The following CMTR1 variants were observed in gnomAD, a reference collection of about 807,000 sequenced individuals.
The protein encoded by CMTR1 is cap-specific mRNA (nucleoside-2'-O-)-methyltransferase 1.
CMTR1 carries 39 observed loss-of-function variants against 107.0 expected under a neutral mutation model. That is an observed-to-expected ratio of 0.36 (90% confidence interval 0.28 to 0.48). The LOEUF (loss-of-function observed/expected upper bound fraction) is 0.48, where lower values mean the gene tolerates loss of function less well. Ranked by LOEUF, CMTR1 falls within the 20% of genes least tolerant of loss-of-function variation. The probability of loss-of-function intolerance (pLI) is 0.99; values close to 1 mark genes in which losing one functional copy is unlikely to be tolerated. For synonymous variants in CMTR1, 366 were observed against 379.5 expected, an observed-to-expected ratio of 0.96 and a Z score of 0.41; for missense variants, 672 against 1,064.9, an observed-to-expected ratio of 0.63 and a Z score of 5.14.
chr6:37,448,363 A>G (rs1024375905), intron 4 of CMTR1, among the ~76,000 whole-genome samples: 13 of 152,216 alleles, frequency 8.5e-5, no homozygotes, highest in African/African-American at 3.1e-4. Context: ...TGGAGGACAG[A>G]GTATGACCCT....
At chr6:37,443,077 T>G (rs1041531604) in intron 2 of CMTR1, among the ~76,000 whole-genome samples, 1 of 152,264 alleles carries the variant, frequency 6.6e-6, no homozygotes, top group Non-Finnish European at 1.5e-5. Flanking sequence ...CAAGTTTCAC[T>G]TTTGCTTTCA....
At chr6:37,430,887 G>A (rs180927687), upstream of CMTR1, among the ~76,000 whole-genome samples, 82 of 151,914 alleles carry the variant, frequency 5.4e-4, no homozygotes, top group East Asian at 9.1e-3. Flanking sequence ...GGTGGCGGGC[G>A]CCTGTAGTCC....
At position 37,458,534 on chromosome 6, in the gene CMTR1, C is replaced by T. The variant is rs1426007961; in HGVS notation, c.778-78C>T. 3 of 1,406,744 alleles carry T rather than the reference C, an allele frequency of 2.1e-6. No individual in the cohort carries two copies. Among genetic ancestry groups the T allele is most frequent in the African/African-American group, 1.4e-5 (1 of 70,204 alleles). 87.1% of individuals were successfully genotyped at this position (1,406,744 alleles called of 1,614,324 possible). ...TACTTGCCGAAAGGCTTATTTTACT[C>T]TCCCTGCATTCTCCTTCCTGTTGCC... On this transcript the variant is annotated intron_variant, in intron 8 of 23. Transcript: ENST00000373451. This position sits in a 1 kb window ranked among gnomAD's most constrained non-coding sequence, Gnocchi z 4.7.
chr6:37,472,392 T>G lies in CMTR1; in HGVS notation c.1621-27T>G. On this transcript the variant is annotated intron_variant, in intron 15 of 23. Transcript: ENST00000373451. This position sits in a 1 kb window ranked among gnomAD's most constrained non-coding sequence, Gnocchi z 4.1. ...TCTTGGTCAAAAGGGCATTTGAAAGTCAAAGCTCTTTGCTGTCTTATTTCA... is the reference window on the plus strand; with the variant it reads ...TCTTGGTCAAAAGGGCATTTGAAAGGCAAAGCTCTTTGCTGTCTTATTTCA... 1 of 1,612,306 alleles carries G rather than the reference T, an allele frequency of 6.2e-7. No individual in the cohort carries two copies. Among genetic ancestry groups the G allele is most frequent in the Non-Finnish European group, 8.5e-7 (1 of 1,178,324 alleles).
At chr6:37,451,068 A>T (rs1562120005) in intron 5 of CMTR1, among the ~76,000 whole-genome samples, 3 of 152,088 alleles carry the variant, frequency 2.0e-5, no homozygotes, top group Admixed American at 6.5e-5. Flanking sequence ...TTTTTTGGAA[A>T]TGTTATTTTT....
the CMTR1 span, among the ~76,000 whole-genome samples, chr6:37,427,869 G>A: frequency 6.6e-6 from 1 of 152,094 alleles, no homozygotes; most frequent in African/African-American, 2.4e-5. This position sits in a 1 kb window ranked among gnomAD's most constrained non-coding sequence, Gnocchi z 4.4. Context: ...CACGTTGACT[G>A]TTCTTTTCTT....
the CMTR1 span, among the ~76,000 whole-genome samples, chr6:37,424,377 G>T: frequency 1.2e-4 from 18 of 151,850 alleles, no homozygotes; most frequent in Middle Eastern, 3.4e-3. Context: ...CGAGTAGGTG[G>T]GACTACAGGC....
chr6:37,433,825 G>T (rs1223145590), intron 1 of CMTR1, among the ~76,000 whole-genome samples: 1 of 152,210 alleles, frequency 6.6e-6, no homozygotes, highest in African/African-American at 2.4e-5. Context: ...CAGGGCACTG[G>T]TTAGCTGTGT....
chr6:37,424,613 A>G, the CMTR1 span, among the ~76,000 whole-genome samples: 2 of 152,188 alleles, frequency 1.3e-5, no homozygotes, highest in African/African-American at 4.8e-5. Context: ...TAAATTATAC[A>G]GAAAACAAAA....
chr6:37,456,581 C>T (rs946155151), intron 8 of CMTR1, among the ~76,000 whole-genome samples: 3 of 152,172 alleles, frequency 2.0e-5, no homozygotes, highest in African/African-American at 7.2e-5. Flanking sequence ...GGGACTGTTT[C>T]CCCTAAAGCT....
chr6:37,473,335 G>A, intron 16 of CMTR1, 135 bp from the exon 17 acceptor site: 5 of 874,318 alleles, frequency 5.7e-6, no homozygotes, highest in Non-Finnish European at 7.1e-6. Flanking sequence ...GTAGAGAAGG[G>A]GGTGCAGGGG....
At chr6:37,477,491 C>T in intron 20 of CMTR1, 101 bp from the exon 21 acceptor site, 3 of 1,073,240 alleles carry the variant, frequency 2.8e-6, no homozygotes, top group South Asian at 1.3e-5. Flanking sequence ...GGGCCTGGGG[C>T]AGAAGCCAAG....
At chr6:37,478,278 G>A in intron 21 of CMTR1, 131 bp from the exon 22 acceptor site, 1 of 712,800 alleles carries the variant, frequency 1.4e-6, no homozygotes, top group East Asian at 2.6e-5. Context: ...CCACTCGGCT[G>A]TGTGCCTCAG....
intron 2 of CMTR1, among the ~76,000 whole-genome samples, chr6:37,437,048 G>A (rs914224834): frequency 6.6e-5 from 10 of 152,114 alleles, no homozygotes; most frequent in African/African-American, 1.7e-4. Flanking sequence ...ATGGAGCATC[G>A]GTGTCGCTGT....
Position 37,451,754 on chromosome 6 carries a change from C to T in CMTR1, c.538-52C>T, listed in dbSNP as rs190423337. On this transcript the variant is annotated intron_variant, in intron 5 of 23. Coordinates refer to ENST00000373451, the MANE Select transcript of CMTR1 (RefSeq NM_015050.3). ...GAACCCTAATTTCTTCATTCATCCCCGACAATTGCAGTCACACGTGGTCAT... is the reference window on the plus strand; with the variant it reads ...GAACCCTAATTTCTTCATTCATCCCTGACAATTGCAGTCACACGTGGTCAT... 565 of 1,375,358 alleles carry T rather than the reference C, an allele frequency of 4.1e-4. 1 individual carries two copies. The African/African-American group carries it at 6.9e-3, about 17-fold the overall frequency. The allele number at this position is 1,375,358 out of a possible 1,614,324, so 85.2% of individuals were successfully genotyped here. A position where few individuals can be genotyped will look rare whatever the true frequency, so the allele number is the denominator to read the frequency against.
Position 37,480,547 on chromosome 6 carries a change from C to T in CMTR1, c.*402C>T. 9.5e-7 allele frequency: 1 copy of T among 1,048,988 alleles called. No homozygotes were observed. The highest frequency in any genetic ancestry group is 1.1e-6 in the Non-Finnish European group (1 of 871,834). 65.0% of individuals were successfully genotyped at this position (1,048,988 alleles called of 1,614,324 possible). ...ATGCACTGCCCTGAGGGTAGCCATGCCCTTGCTTTGCCCAACTTTTTATTG... is the reference window on the plus strand; with the variant it reads ...ATGCACTGCCCTGAGGGTAGCCATGTCCTTGCTTTGCCCAACTTTTTATTG... On this transcript the variant is annotated 3_prime_UTR_variant, in exon 24 of 24. Coordinates refer to ENST00000373451, the MANE Select transcript of CMTR1 (RefSeq NM_015050.3).
Position 37,451,167 on chromosome 6 carries a change from AATAAT to A in CMTR1, c.538-633_538-629del, listed in dbSNP as rs1761159484. 2.0e-5 allele frequency among the ~76,000 whole-genome samples: 3 copies of A among 152,144 alleles called. No individual in the cohort carries two copies. In the South Asian group the frequency reaches 6.2e-4, roughly 32 times the overall value. ...ATTTTTAAAATCTGTTTTGATTTTT[AATAAT>A]ATAATTATTTGAATTCTAGATAATA... On this transcript the variant is annotated intron_variant, in intron 5 of 23. Transcript: ENST00000373451.
At chr6:37,437,695 C>A (rs1418549272) in intron 2 of CMTR1, among the ~76,000 whole-genome samples, 1 of 152,078 alleles carries the variant, frequency 6.6e-6, no homozygotes, top group African/African-American at 2.4e-5. Context: ...AAACTTACTG[C>A]ACGCGATGGT....
chr6:37,473,458 T>C lies in CMTR1; in HGVS notation c.1690-12T>C, dbSNP rs1314557051. On this transcript the variant is annotated splice_polypyrimidine_tract_variant and intron_variant, in intron 16 of 23. Transcript: ENST00000373451. Reference sequence around the variant, plus strand: ...CCAACCCGGCAGTGTTTTCTCTGACTCGTGGCTGCAGGGCACTGAGATTGA... The same window carrying C: ...CCAACCCGGCAGTGTTTTCTCTGACCCGTGGCTGCAGGGCACTGAGATTGA... 1 of 1,611,148 alleles carries C rather than the reference T, an allele frequency of 6.2e-7. No individual in the cohort carries two copies. Among genetic ancestry groups the C allele is most frequent in the Non-Finnish European group, 8.5e-7 (1 of 1,178,410 alleles).
Sources: gnomAD v4.1 joint callset for allele counts (sites outside exome capture counted in the v4.1 genomes callset) on GRCh38, gnomAD v4.1.1 for gene constraint, Gnocchi (gnomAD v3.1) non-coding constraint, MANE v1.5 for transcripts, NCBI Gene and HGNC (gene_info 2026-07-23, HGNC 2026-07-21) for gene names.